CLEC2A: variants seen among roughly 807,000 people sequenced by gnomAD.
CLEC2A encodes C-type lectin domain family 2 member A.
In CLEC2A, 19 loss-of-function variants were observed where a neutral mutation model predicts 18.6. That is an observed-to-expected ratio of 1.02 (90% CI 0.71 to 1.50). The LOEUF is 1.50. Ranked by LOEUF, CLEC2A falls within the 40% of genes most tolerant of loss-of-function variation. The pLI is 0.00. For synonymous variants in CLEC2A, 74 were observed against 64.0 expected, an observed-to-expected ratio of 1.16 and a Z score of -0.75; for missense variants, 190 against 207.9, an observed-to-expected ratio of 0.91 and a Z score of 0.53.
chr12:9,888,835 C>T, the CLEC2A span: 1 of 1,060,470 alleles, frequency 9.4e-7, no homozygotes, highest in East Asian at 2.6e-5. Flanking sequence ...TTAGTTTTGG[C>T]TTCCCTCTTC....
At position 9,919,259 on chromosome 12, in the gene CLEC2A, GTCTTTT is replaced by G. The variant is rs565019037; in HGVS notation, c.307-2462_307-2457del. On this transcript the variant is annotated intron_variant, in intron 3 of 4. Coordinates refer to ENST00000455827, the MANE Select transcript of CLEC2A (RefSeq NM_001130711.2). ...ACCTTAGTAGTGGTTAAAGCCAATG[GTCTTTT>G]GCTTTTCTCCTGGGAGCTTCACTCC... 1.1e-4 allele frequency among the ~76,000 whole-genome samples: 17 copies of G among 152,306 alleles called. No individual in the cohort carries two copies. In the South Asian group the frequency reaches 3.5e-3, roughly 32 times the overall value.
chr12:9,920,886 TTCTG>T (rs1410312863), intron 3 of CLEC2A, among the ~76,000 whole-genome samples: 2 of 152,244 alleles, frequency 1.3e-5, no homozygotes, highest in African/African-American at 4.8e-5. Flanking sequence ...TAAAAATTTT[TTCTG>T]TCTATGCTTG....
intron 4 of CLEC2A, among the ~76,000 whole-genome samples, chr12:9,915,100 A>G (rs1230357772): frequency 2.0e-5 from 3 of 152,186 alleles, no homozygotes; most frequent in Non-Finnish European, 4.4e-5. Flanking sequence ...TTTGAAAAAA[A>G]AAGCTCAACG....
At chr12:9,923,907 A>G (rs1863218320) in intron 2 of CLEC2A, among the ~76,000 whole-genome samples, 1 of 151,932 alleles carries the variant, frequency 6.6e-6, no homozygotes, top group Non-Finnish European at 1.5e-5. Context: ...GGACGGGAAT[A>G]TCACACATTG....
At chr12:9,913,773 C>A (rs978311246) in intron 4 of CLEC2A, 93 bp from the exon 5 acceptor site, 2 of 775,152 alleles carry the variant, frequency 2.6e-6, no homozygotes, top group Non-Finnish European at 4.0e-6. Flanking sequence ...TATATTATAC[C>A]AAACACTGAG....
chr12:9,897,959 T>C (rs1862775568), downstream of CLEC2A, among the ~76,000 whole-genome samples: 1 of 152,208 alleles, frequency 6.6e-6, no homozygotes. Flanking sequence ...TTTCATGGCA[T>C]TTCCTCCAAA....
chr12:9,921,295 T>C (rs1863169240), intron 3 of CLEC2A, among the ~76,000 whole-genome samples: 1 of 152,178 alleles, frequency 6.6e-6, no homozygotes, highest in South Asian at 2.1e-4. Context: ...TTTTGACTCC[T>C]CAAAAAGTTA....
At chr12:9,888,842 C>T in the CLEC2A span, 28 of 996,390 alleles carry the variant, frequency 2.8e-5, no homozygotes, top group Non-Finnish European at 4.1e-5. Flanking sequence ...TGGCTTCCCT[C>T]TTCCTGGCGT....
downstream of CLEC2A, among the ~76,000 whole-genome samples, chr12:9,908,298 C>T (rs578136146): frequency 1.2e-4 from 19 of 152,318 alleles, no homozygotes; most frequent in African/African-American, 4.6e-4. Flanking sequence ...TCCCTCTGGG[C>T]CAACATGTAA....
the CLEC2A span, chr12:9,884,905 C>A: frequency 4.1e-6 from 3 of 740,374 alleles, no homozygotes; most frequent in Non-Finnish European, 6.0e-6. Context: ...AGTGAATAAT[C>A]ACAAGAATTC....
intron 1 of CLEC2A, among the ~76,000 whole-genome samples, chr12:9,927,594 T>A (rs373741953): frequency 6.6e-6 from 1 of 152,130 alleles, no homozygotes. Context: ...TAAAAAGAAG[T>A]CATGTTTTCT....
chr12:9,893,544 G>A, the CLEC2A span: 5 of 1,319,058 alleles, frequency 3.8e-6, no homozygotes, highest in Non-Finnish European at 5.2e-6. Context: ...CCAGAATTGT[G>A]AGTAGTTATT....
downstream of CLEC2A, among the ~76,000 whole-genome samples, chr12:9,911,338 G>T (rs979557296): frequency 4.4e-4 from 67 of 152,230 alleles, no homozygotes; most frequent in African/African-American, 1.5e-3. Flanking sequence ...GTACAAGAAG[G>T]TTGAGCCTCT....
intron 4 of CLEC2A, among the ~76,000 whole-genome samples, chr12:9,915,392 C>T (rs544774517): frequency 6.6e-6 from 1 of 152,034 alleles, no homozygotes; most frequent in Non-Finnish European, 1.5e-5. Context: ...ATTATAAAGA[C>T]ATATGCACAC....
chr12:9,928,030 T>C (rs901437436), intron 1 of CLEC2A, among the ~76,000 whole-genome samples: 5 of 152,196 alleles, frequency 3.3e-5, no homozygotes, highest in Non-Finnish European at 5.9e-5. Context: ...AGACGTATTA[T>C]TGACCTGAAC....
downstream of CLEC2A, among the ~76,000 whole-genome samples, chr12:9,894,122 T>C (rs1862724169): frequency 1.0e-5 from 1 of 96,196 alleles, no homozygotes; most frequent in African/African-American, 4.5e-5. Flanking sequence ...TTTCTTTCTT[T>C]TCTTTCTCTC....
At chr12:9,932,188 G>C (rs1313079236) in intron 1 of CLEC2A, 87 bp downstream of exon 1, 1 of 965,300 alleles carries the variant, frequency 1.0e-6, no homozygotes, top group Non-Finnish European at 1.6e-6. Flanking sequence ...GACTTTCACA[G>C]TAAGTAAAGA....
At chr12:9,880,463 G>A in the CLEC2A span, among the ~76,000 whole-genome samples, 16 of 152,092 alleles carry the variant, frequency 1.1e-4, no homozygotes, top group African/African-American at 3.6e-4. Flanking sequence ...CAGACACTCG[G>A]TGTTAAATCA....
the CLEC2A span, chr12:9,881,638 C>T: frequency 1.9e-3 from 2,987 of 1,535,304 alleles, 94 homozygotes; most frequent in East Asian, 0.061. Context: ...TTTCAAGAAT[C>T]GTTGTAAATC....
Sources: allele counts gnomAD v4.1 joint callset (sites outside exome capture counted in the v4.1 genomes callset), GRCh38; gene constraint gnomAD v4.1.1; transcripts MANE v1.5; gene names NCBI Gene and HGNC (gene_info 2026-07-23, HGNC 2026-07-21).